Variants in COL3A1 observed in about 807,000 individuals in gnomAD.
The protein encoded by COL3A1 is collagen alpha-1(III) chain.
COL3A1 carries 46 observed loss-of-function variants against 200.9 expected under a neutral mutation model. That is an observed-to-expected ratio of 0.23 (90% CI 0.18 to 0.29). COL3A1 has a LOEUF of 0.29. Among genes scored for constraint, COL3A1 ranks in the 10% least tolerant of loss-of-function variants. COL3A1 has a pLI of 1.00. For missense variants in COL3A1, 1,367 were observed against 1,917.6 expected (o/e 0.71, Z 5.36); for synonymous variants, 650 against 628.0 (o/e 1.03, Z -0.52).
At chr2:188,981,195 A>G (rs1222149603) in intron 1 of COL3A1, among the ~76,000 whole-genome samples, 1 of 151,586 alleles carries the variant, frequency 6.6e-6, no homozygotes, top group Admixed American at 6.6e-5. Flanking sequence ...ATCTAAAAAT[A>G]TAAAATTATG....
At chr2:188,986,647 G>A (rs1455325154) in intron 4 of COL3A1, among the ~76,000 whole-genome samples, 1 of 151,984 alleles carries the variant, frequency 6.6e-6, no homozygotes, top group Non-Finnish European at 1.5e-5. Context: ...ATCATTAAGT[G>A]TTTGAAAAAT....
rs1002840704 is a variant in COL3A1 at position 189,012,361 on chromosome 2, T to C, written c.*587T>C. ...TTTTAAAGCCACAATTATTTTAATA[T>C]TGGATATCAACTGCTTGTAAAGGTG... On this transcript the variant is annotated 3_prime_UTR_variant, in exon 51 of 51. Coordinates refer to ENST00000304636, the MANE Select transcript of COL3A1 (RefSeq NM_000090.4). 1 of 153,018 alleles carries C rather than the reference T, an allele frequency of 6.5e-6. No individual in the cohort carries two copies. The highest frequency in any genetic ancestry group is 2.4e-5 in the African/African-American group (1 of 41,474). 9.5% of individuals were successfully genotyped at this position (153,018 alleles called of 1,614,324 possible). A position where few individuals can be genotyped will look rare whatever the true frequency, so the allele number is the denominator to read the frequency against.
rs1688126961 is a variant in COL3A1, at chr2:188,989,268, TTC to T, written c.637-127_637-126del. 5.9e-6 allele frequency: 4 copies of T among 674,900 alleles called. No homozygotes were observed. In the East Asian group the frequency reaches 1.1e-4, roughly 18 times the overall value. The allele number at this position is 674,900 out of a possible 1,614,324, so 41.8% of individuals were successfully genotyped here. ...TAATATTAACTCAGTAAGTATCATT[TTC>T]ATTATCAGAAACATTAAAAGTATTT... On this transcript the variant is annotated intron_variant, in intron 7 of 50. Transcript: ENST00000304636.
intron 40 of COL3A1, 66 bp from the exon 41 acceptor site, chr2:189,005,284 C>A: frequency 3.7e-6 from 5 of 1,356,020 alleles, no homozygotes; most frequent in Middle Eastern, 1.8e-4. Context: ...ATAAAGATAT[C>A]TGATAACACC....
chr2:189,010,639 C>T lies in COL3A1; in HGVS notation c.4012-9C>T, dbSNP rs763458190. 6.2e-7 allele frequency: 1 copy of T among 1,614,078 alleles called. No homozygotes were observed. Among genetic ancestry groups the T allele is most frequent in the Non-Finnish European group, 8.5e-7 (1 of 1,179,976 alleles). On this transcript the variant is annotated splice_polypyrimidine_tract_variant and intron_variant, in intron 49 of 50. Coordinates refer to ENST00000304636, the MANE Select transcript of COL3A1 (RefSeq NM_000090.4). Reference sequence around the variant, plus strand: ...ATGTTTGATCTGTTTTATTTGTTCCCTATTACAGTTTAGCTACGGCAATCC... The same window carrying T: ...ATGTTTGATCTGTTTTATTTGTTCCTTATTACAGTTTAGCTACGGCAATCC...
At chr2:188,981,567 CTT>C (rs1417560865) in intron 1 of COL3A1, among the ~76,000 whole-genome samples, 1 of 151,274 alleles carries the variant, frequency 6.6e-6, no homozygotes, top group Non-Finnish European at 1.5e-5. Context: ...AAAAAATTAA[CTT>C]ATTTTTTTAA....
intron 32 of COL3A1, 65 bp from the exon 33 acceptor site, chr2:189,001,332 G>T: frequency 6.7e-7 from 1 of 1,489,788 alleles, no homozygotes; most frequent in South Asian, 1.1e-5. Flanking sequence ...TATACTTTCT[G>T]TTTGATTAAT....
In COL3A1 at chr2:188,994,333, G is replaced by A. The variant is rs1688253921; in HGVS notation, c.1293+1G>A. On this transcript the variant is annotated splice_donor_variant, in intron 18 of 50. Transcript: ENST00000304636. LOFTEE classifies it high-confidence loss of function. The surrounding 1 kb of genome is among the most constrained non-coding windows in gnomAD (Gnocchi z 4.5). ...TGCTCCTGGACTGCGAGGTGGTGCA[G>A]TAAGTTGCCTTGTTTTTTCTCTGTT... 1 of 1,613,398 alleles carries A rather than the reference G, an allele frequency of 6.2e-7. No homozygotes were observed. The highest frequency in any genetic ancestry group is 1.3e-5 in the African/African-American group (1 of 74,912).
Position 189,005,380 on chromosome 2 carries a change from C to G in COL3A1, c.2962C>G (p.Leu988Val). 2 of 1,614,112 alleles carry G rather than the reference C, an allele frequency of 1.2e-6. No individual in the cohort carries two copies. Among genetic ancestry groups the G allele is most frequent in the East Asian group, 2.2e-5 (1 of 44,866 alleles). ...GESGKPGANG[L>V]SGERGPPGPQ... The stretch of plus-strand genomic sequence containing the variant: ...AAGTGGGAAACCAGGAGCTAACGGT[C>G]TCAGTGGAGAACGTGGTCCCCCTGG... The change falls in exon 41 of 51, where the codon CTC becomes GTC. Residue 988 changes from leucine to valine, a missense_variant. Physicochemically the swap from Leu to Val is conservative, Grantham distance 32. Around this residue, in one of 5 missense-constraint regions of COL3A1, gnomAD observed 846 missense variants for 1,147.9 expected, o/e 0.74. Coordinates refer to ENST00000304636, the MANE Select transcript of COL3A1 (RefSeq NM_000090.4).
chr2:188,994,332 A>G lies in COL3A1; in HGVS notation c.1293A>G (p.Ala431=), dbSNP rs1194647040. 1.9e-6 allele frequency: 3 copies of G among 1,613,428 alleles called. No individual in the cohort carries two copies. Among genetic ancestry groups the G allele is most frequent in the African/African-American group, 2.7e-5 (2 of 74,904 alleles). ...ANGAPGLRGG[A]GEPGKNGAKG... ...GTGCTCCTGGACTGCGAGGTGGTGCAGTAAGTTGCCTTGTTTTTTCTCTGT... is the reference window on the plus strand; with the variant it reads ...GTGCTCCTGGACTGCGAGGTGGTGCGGTAAGTTGCCTTGTTTTTTCTCTGT... Residue 431 remains alanine, a splice_region_variant and synonymous_variant, in exon 18 of 51, where the codon GCA becomes GCG. Transcript: ENST00000304636. The surrounding 1 kb of genome is among the most constrained non-coding windows in gnomAD (Gnocchi z 4.5).
intron 27 of COL3A1, 39 bp downstream of exon 27, chr2:188,997,792 T>C (rs1477762459): frequency 3.8e-6 from 6 of 1,589,036 alleles, no homozygotes; most frequent in Non-Finnish European, 4.3e-6. Context: ...CATATCTGAC[T>C]GTCAAATTTT....
At chr2:189,007,192 T>C (rs1688613245) in intron 44 of COL3A1, among the ~76,000 whole-genome samples, 3 of 138,814 alleles carry the variant, frequency 2.2e-5, no homozygotes, top group Non-Finnish European at 3.0e-5. Flanking sequence ...GATAGATAGA[T>C]AGATAGATAG....
At chr2:188,978,662 C>T (rs976197900) in intron 1 of COL3A1, among the ~76,000 whole-genome samples, 1 of 150,674 alleles carries the variant, frequency 6.6e-6, no homozygotes, top group African/African-American at 2.4e-5. Context: ...GTAAAGTTTC[C>T]AGGTCTACAA....
Position 188,994,924 on chromosome 2 carries a change from T to C in COL3A1, c.1455+93T>C. The stretch of plus-strand genomic sequence containing the variant: ...GGTGAGACAGCCAATTTTTCTTAAG[T>C]TGAGTGTTCAGTGAAAATATTGTTT... On this transcript the variant is annotated intron_variant, in intron 20 of 50. Transcript: ENST00000304636. The surrounding 1 kb of genome is among the most constrained non-coding windows in gnomAD (Gnocchi z 4.5). 1 of 1,553,412 alleles carries C rather than the reference T, an allele frequency of 6.4e-7. No homozygotes were observed. The highest frequency in any genetic ancestry group is 8.9e-7 in the Non-Finnish European group (1 of 1,125,710).
chr2:189,008,324 G>A, intron 47 of COL3A1, 182 bp downstream of exon 47: 1 of 639,822 alleles, frequency 1.6e-6, no homozygotes, highest in Non-Finnish European at 2.7e-6. Context: ...CACTATAACA[G>A]GAGAAAAATA....
chr2:188,992,650 C>G (rs1276881495), intron 14 of COL3A1, among the ~76,000 whole-genome samples: 1 of 152,088 alleles, frequency 6.6e-6, no homozygotes, highest in Non-Finnish European at 1.5e-5. Flanking sequence ...GAAAAGTAGC[C>G]TGCACTAAGT....
intron 48 of COL3A1, among the ~76,000 whole-genome samples, chr2:189,009,688 A>G (rs1217001493): frequency 6.6e-6 from 1 of 152,208 alleles, no homozygotes; most frequent in Non-Finnish European, 1.5e-5. Flanking sequence ...TGGGTTAAAT[A>G]TTTCTGAAAA....
chr2:188,999,134 A>G, intron 29 of COL3A1, 151 bp from the exon 30 acceptor site: 1 of 772,972 alleles, frequency 1.3e-6, no homozygotes, highest in Non-Finnish European at 2.2e-6. Context: ...TCTAGTTCCC[A>G]CCCAGCTGTT....
rs1460944343 is a variant in COL3A1, at chr2:189,010,598, T to C, written c.4012-50T>C. 4 of 1,612,906 alleles carry C rather than the reference T, an allele frequency of 2.5e-6. No individual in the cohort carries two copies. In the Admixed American group the frequency reaches 5.0e-5, roughly 20 times the overall value. The stretch of plus-strand genomic sequence containing the variant: ...ACACATACTACATGAATCCCTCGCG[T>C]GCAGTTACAACTGAAATGTTTGATC... On this transcript the variant is annotated intron_variant, in intron 49 of 50. Transcript: ENST00000304636.
Sources: allele counts gnomAD v4.1 joint callset (sites outside exome capture counted in the v4.1 genomes callset), GRCh38; gene constraint gnomAD v4.1.1; regional missense constraint gnomAD v4.1.1; non-coding constraint Gnocchi (gnomAD v3.1); transcripts MANE v1.5; gene names NCBI Gene and HGNC (gene_info 2026-07-23, HGNC 2026-07-21).